Variants in CEP170 observed in about 807,000 individuals in gnomAD.
The protein encoded by CEP170 is centrosomal protein of 170 kDa.
A neutral mutation model predicts 151.9 loss-of-function variants in CEP170; 21 were observed. The observed-to-expected ratio is 0.14, with a 90% CI of 0.10 to 0.20. The LOEUF (loss-of-function observed/expected upper bound fraction) is 0.20. Ranked by LOEUF, CEP170 falls within the 10% of genes least tolerant of loss-of-function variation. The pLI, the probability that CEP170 is intolerant of heterozygous loss-of-function variation, is 1.00. For synonymous variants in CEP170, 356 were observed against 648.8 expected (o/e 0.55, Z 6.86); for missense variants, 964 against 1,892.9 (o/e 0.51, Z 9.11).
intron 17 of CEP170, among the ~76,000 whole-genome samples, chr1:243,131,435 CTGAG>C (rs1298049541): frequency 2.0e-5 from 3 of 151,898 alleles, no homozygotes; most frequent in African/African-American, 7.3e-5. Flanking sequence ...CGAGGCTGCA[CTGAG>C]TGAGTGAGTT....
intron 1 of CEP170, among the ~76,000 whole-genome samples, chr1:243,237,872 T>A (rs573805259): frequency 6.6e-6 from 1 of 152,086 alleles, no homozygotes; most frequent in East Asian, 1.9e-4. Flanking sequence ...ACCACTGCAC[T>A]CCAGCCTGGG....
In CEP170 at chr1:243,178,295, C is replaced by T. The variant is rs530320729; in HGVS notation, c.1567-5449G>A. Among the ~76,000 whole-genome samples the T allele has an allele frequency of 2.7e-5, 3 of 112,902 alleles. No individual in the cohort carries two copies. The Admixed American group carries it at 4.2e-4, about 16-fold the overall frequency. 74.1% of individuals were successfully genotyped at this position (112,902 alleles called of 152,430 possible). ...CTGCACTCCAGCCTGGGCAACAGAG[C>T]GAGACTCTGCCTCAAAAAAAAAAAA... is the stretch of plus-strand genomic sequence containing the variant. On this transcript the variant is annotated intron_variant, in intron 10 of 19. Coordinates refer to ENST00000366542, the MANE Select transcript of CEP170 (RefSeq NM_014812.3).
rs2059908855 is a variant in CEP170, at chr1:243,185,919, C to A, written c.1426G>T (p.Asp476Tyr). The A allele has an allele frequency of 4.3e-6, 7 of 1,613,616 alleles. No homozygotes were observed. The highest frequency in any genetic ancestry group is 5.9e-6 in the Non-Finnish European group (7 of 1,179,710). The change falls in exon 10 of 20, where the codon GAT becomes TAT. Residue 476 changes from aspartate (D) to tyrosine (Y), a missense_variant. Coordinates refer to ENST00000366542, the MANE Select transcript of CEP170 (RefSeq NM_014812.3). The surrounding 1 kb of genome is among the most constrained non-coding windows in gnomAD (Gnocchi z 4.9). Reference protein sequence around the residue: ...SLGHRPSQEMDKMLKNQATSA... With the variant: ...SLGHRPSQEMYKMLKNQATSA... ...GTTGCTTGATTTTTTAACATTTTATCCATCTCCTGGCTTGGTCTGTGCCCA... is the reference window on the plus strand; with the variant it reads ...GTTGCTTGATTTTTTAACATTTTATACATCTCCTGGCTTGGTCTGTGCCCA...
In CEP170 at chr1:243,140,054, T is replaced by C; in HGVS notation, c.4113A>G (p.Leu1371=). Reference sequence around the variant, plus strand: ...TTCCTTCTGGTGTTTTGGAATGAACTAATGGAGGAATCTTTCGGAAGTTGA... The same window carrying C: ...TTCCTTCTGGTGTTTTGGAATGAACCAATGGAGGAATCTTTCGGAAGTTGA... ...ESLNFRKIPP[L]VHSKTPEGNN... The change falls in exon 16 of 20, where the codon TTA becomes TTG. Residue 1371 remains leucine (L), a synonymous_variant. Coordinates refer to ENST00000366542, the MANE Select transcript of CEP170 (RefSeq NM_014812.3). The C allele has an allele frequency of 6.2e-7, 1 of 1,613,948 alleles. No homozygotes were observed. The highest frequency in any genetic ancestry group is 1.1e-5 in the South Asian group (1 of 91,080).
intron 13 of CEP170, among the ~76,000 whole-genome samples, chr1:243,157,700 T>C (rs535450361): frequency 6.6e-6 from 1 of 152,320 alleles, no homozygotes; most frequent in East Asian, 1.9e-4. Context: ...TGTCTTTTCC[T>C]CCAAAAACTA....
chr1:243,164,638 G>C lies in CEP170; in HGVS notation c.3322C>G (p.Leu1108Val), dbSNP rs778172597. The C allele has an allele frequency of 6.2e-7, 1 of 1,613,796 alleles. No individual in the cohort carries two copies. Among genetic ancestry groups the C allele is most frequent in the South Asian group, 1.1e-5 (1 of 91,078 alleles). The change falls in exon 13 of 20, where the codon CTT (leucine) becomes GTT (valine). Residue 1108 changes from leucine to valine, a missense_variant. Leu to Val is a conservative substitution (Grantham distance 32). Transcript: ENST00000366542. ...TRTSLLRRARLGEASDSELAD... is the reference protein window; with the variant it reads ...TRTSLLRRARVGEASDSELAD... ...AGTTCACTGTCTGAAGCTTCACCAA[G>C]TCGTGCTCTGCGCAAGAGGGAAGTC...
intron 14 of CEP170, among the ~76,000 whole-genome samples, chr1:243,146,230 C>T (rs2056472101): frequency 6.6e-6 from 1 of 152,060 alleles, no homozygotes; most frequent in African/African-American, 2.4e-5. Context: ...TTTGCCTCCC[C>T]AATGGTGACA....
intron 13 of CEP170, among the ~76,000 whole-genome samples, chr1:243,163,816 C>T (rs1469183901): frequency 2.0e-5 from 3 of 152,210 alleles, no homozygotes; most frequent in Non-Finnish European, 2.9e-5. Flanking sequence ...TTTCATTTAA[C>T]TCTGAAAGGA....
intron 11 of CEP170, among the ~76,000 whole-genome samples, chr1:243,172,398 G>A (rs2058911513): frequency 6.6e-6 from 1 of 152,240 alleles, no homozygotes; most frequent in Non-Finnish European, 1.5e-5. Context: ...ACCATGGGAG[G>A]CTGAGGCGGG....
intron 1 of CEP170, among the ~76,000 whole-genome samples, chr1:243,227,417 A>G (rs1256136875): frequency 6.6e-6 from 1 of 152,242 alleles, no homozygotes; most frequent in African/African-American, 2.4e-5. Flanking sequence ...AGTTCTGCAG[A>G]CAACTCACAT....
intron 1 of CEP170, among the ~76,000 whole-genome samples, chr1:243,226,188 T>C (rs1421038439): frequency 9.8e-5 from 2 of 20,508 alleles, no homozygotes; most frequent in Non-Finnish European, 2.0e-4. Flanking sequence ...TATCTAGATA[T>C]ATATATCTAG....
At position 243,191,355 on chromosome 1, in the gene CEP170, G is replaced by A. The variant is rs1188136367; in HGVS notation, c.771C>T (p.Ser257=). Residue 257 remains serine (S), a synonymous_variant, in exon 8 of 20, where the codon AGC becomes AGT. Coordinates refer to ENST00000366542, the MANE Select transcript of CEP170 (RefSeq NM_014812.3). ...EFQQPSQITE[S]TIHEIPTKDT... is the part of the protein sequence containing the mutation. ...CTTTTGTTGGGATTTCATGAATAGTGCTTTCTGTTATTTGTGATGGTTGCT... is the reference window on the plus strand; with the variant it reads ...CTTTTGTTGGGATTTCATGAATAGTACTTTCTGTTATTTGTGATGGTTGCT... 6.2e-7 allele frequency: 1 copy of A among 1,611,604 alleles called. No individual in the cohort carries two copies.
At chr1:243,144,878 G>C (rs1206430809) in intron 14 of CEP170, among the ~76,000 whole-genome samples, 2 of 152,260 alleles carry the variant, frequency 1.3e-5, no homozygotes, top group African/African-American at 4.8e-5. Flanking sequence ...TCTAGCATTA[G>C]TCCTAGTCTT....
intron 2 of CEP170, among the ~76,000 whole-genome samples, chr1:243,223,480 T>C (rs2062982801): frequency 6.6e-6 from 1 of 152,194 alleles, no homozygotes; most frequent in African/African-American, 2.4e-5. Flanking sequence ...GGAAGTAATT[T>C]AGGACAGGCT....
intron 11 of CEP170, among the ~76,000 whole-genome samples, chr1:243,171,083 C>T (rs2058809794): frequency 6.6e-6 from 1 of 152,316 alleles, no homozygotes; most frequent in East Asian, 1.9e-4. Context: ...ATAGCTTTTG[C>T]TTGGCAGGGG....
intron 12 of CEP170, chr1:243,166,381 G>C (rs1447587836): frequency 2.2e-6 from 1 of 457,290 alleles, no homozygotes; most frequent in Non-Finnish European, 3.9e-6. Context: ...TATGTAAATA[G>C]TTGTTATACT....
chr1:243,236,156 T>C (rs1315751084), intron 1 of CEP170, among the ~76,000 whole-genome samples: 1 of 152,168 alleles, frequency 6.6e-6, no homozygotes, highest in Non-Finnish European at 1.5e-5. Flanking sequence ...TCAAGAAACA[T>C]TTTTCCCTTA....
Position 243,185,502 on chromosome 1 carries a change from T to C in CEP170, c.1566+277A>G, listed in dbSNP as rs1372052654. ...AGCAAGAATGTCCAAAGCATACTAT[T>C]TTTAAAACCTATCTTTAATTTACAC... On this transcript the variant is annotated intron_variant, in intron 10 of 19. Transcript: ENST00000366542. The surrounding 1 kb of genome is among the most constrained non-coding windows in gnomAD (Gnocchi z 4.9). Among the ~76,000 whole-genome samples the C allele has an allele frequency of 6.6e-6, 1 of 152,234 alleles. No individual in the cohort carries two copies. Among genetic ancestry groups the C allele is most frequent in the Non-Finnish European group, 1.5e-5 (1 of 68,042 alleles).
intron 1 of CEP170, among the ~76,000 whole-genome samples, chr1:243,251,850 T>C (rs2065967330): frequency 6.6e-6 from 1 of 152,148 alleles, no homozygotes; most frequent in Non-Finnish European, 1.5e-5. Flanking sequence ...TTATTTGATA[T>C]AAAAGTGGGC....
Sources: gnomAD v4.1 joint callset for allele counts (sites outside exome capture counted in the v4.1 genomes callset) on GRCh38, gnomAD v4.1.1 for gene constraint, Gnocchi (gnomAD v3.1) non-coding constraint, MANE v1.5 for transcripts, NCBI Gene and HGNC (gene_info 2026-07-23, HGNC 2026-07-21) for gene names.